Variants in EPB41L1 observed in about 807,000 individuals in gnomAD.
EPB41L1 encodes erythrocyte membrane protein band 4.1 like 1.
A neutral mutation model predicts 97.8 loss-of-function variants in EPB41L1; 29 were observed. The observed-to-expected ratio is 0.30, with a 90% CI of 0.22 to 0.40. EPB41L1 has a LOEUF of 0.40. Among genes scored for constraint, EPB41L1 ranks in the 10% least tolerant of loss-of-function variants. EPB41L1 has a pLI of 1.00. For synonymous variants in EPB41L1, 383 were observed against 459.2 expected (o/e 0.83, Z 2.12); for missense variants, 812 against 1,162.3 (o/e 0.70, Z 4.38).
Position 36,204,956 on chromosome 20 carries a change from G to A in EPB41L1, c.1669-4532G>A. 1.3e-5 allele frequency among the ~76,000 whole-genome samples: 2 copies of A among 152,210 alleles called. 1 individual carries two copies. The highest frequency in any genetic ancestry group is 2.9e-5 in the Non-Finnish European group (2 of 68,026). On this transcript the variant is annotated intron_variant, in intron 14 of 21. Transcript: ENST00000338074. ...GCGCTTGGCCTCTGGTGCCTTTGATGCACGATGATGCTTAGATCTTTACCT... is the reference window on the plus strand; with the variant it reads ...GCGCTTGGCCTCTGGTGCCTTTGATACACGATGATGCTTAGATCTTTACCT...
intron 1 of EPB41L1, among the ~76,000 whole-genome samples, chr20:36,098,942 G>A (rs1025967837): frequency 1.3e-5 from 2 of 152,086 alleles, no homozygotes; most frequent in Admixed American, 6.5e-5. Context: ...GATCTGAGGC[G>A]GATTATTCCT....
intron 1 of EPB41L1, among the ~76,000 whole-genome samples, chr20:36,107,135 T>A (rs1278222442): frequency 1.3e-5 from 2 of 152,196 alleles, no homozygotes; most frequent in East Asian, 3.9e-4. Context: ...TTTAACTAAT[T>A]TAACATTTTA....
intron 6 of EPB41L1, among the ~76,000 whole-genome samples, chr20:36,183,327 G>A (rs758156411): frequency 3.9e-5 from 6 of 152,288 alleles, no homozygotes; most frequent in South Asian, 2.1e-4. Context: ...CCAGGCCATC[G>A]ACCAAAGGTC....
At position 36,221,953 on chromosome 20, in the gene EPB41L1, G is replaced by T. The variant is rs755820753; in HGVS notation, c.2520+9G>T. On this transcript the variant is annotated intron_variant, in intron 20 of 21. Coordinates refer to ENST00000338074, the MANE Select transcript of EPB41L1 (RefSeq NM_012156.2). ...ATGTCGATCAAGACCAGGTATGGGG[G>T]TAGCAACCGTTCTTCCCAGTGCCAC... is the stretch of plus-strand genomic sequence containing the variant. The T allele has an allele frequency of 7.4e-6, 12 of 1,613,856 alleles. No homozygotes were observed. Among genetic ancestry groups the T allele is most frequent in the Non-Finnish European group, 1.0e-5 (12 of 1,179,868 alleles).
rs556915780 is a variant in EPB41L1, at chr20:36,222,801, T to G, written c.2637+407T>G. 2.0e-5 allele frequency among the ~76,000 whole-genome samples: 3 copies of G among 152,346 alleles called. No individual in the cohort carries two copies. In the South Asian group the frequency reaches 6.2e-4, roughly 32 times the overall value. On this transcript the variant is annotated intron_variant, in intron 21 of 21. Transcript: ENST00000338074. ...AGTCCTACTAGGCCCAGTGCCACGT[T>G]CCTGGCCCTGAGTCTCTCTCTCTAT... is the stretch of plus-strand genomic sequence containing the variant.
chr20:36,195,762 C>T lies in EPB41L1; in HGVS notation c.1485+398C>T, dbSNP rs533200052. ...CCCTTCCCTAGATTCATCTCCTGCC[C>T]GACAGCACTGTTTGGTCTCGCCTCC... On this transcript the variant is annotated intron_variant, in intron 13 of 21. Transcript: ENST00000338074. The surrounding 1 kb of genome is among the most constrained non-coding windows in gnomAD (Gnocchi z 4.6). Among the ~76,000 whole-genome samples, 6 of 152,286 alleles carry T rather than the reference C, an allele frequency of 3.9e-5. No homozygotes were observed. Among genetic ancestry groups the T allele is most frequent in the South Asian group, 4.1e-4 (2 of 4,824 alleles).
intron 2 of EPB41L1, among the ~76,000 whole-genome samples, chr20:36,139,690 G>T (rs958651514): frequency 3.3e-5 from 5 of 151,706 alleles, no homozygotes; most frequent in Admixed American, 2.0e-4. Flanking sequence ...TTCCCCATCT[G>T]TGCAGTAAAG....
At chr20:36,161,932 G>A (rs544118170) in intron 1 of EPB41L1, among the ~76,000 whole-genome samples, 9 of 152,008 alleles carry the variant, frequency 5.9e-5, no homozygotes, top group Non-Finnish European at 8.8e-5. Flanking sequence ...GGCTAATTTG[G>A]GGGGGGCACA....
chr20:36,184,732 T>G (rs1401929953), intron 6 of EPB41L1, among the ~76,000 whole-genome samples: 2 of 152,176 alleles, frequency 1.3e-5, no homozygotes, highest in Non-Finnish European at 2.9e-5. Flanking sequence ...AAGAGGAAAT[T>G]TAGAGTCACC....
chr20:36,142,109 CAAA>C (rs578232990), intron 2 of EPB41L1, among the ~76,000 whole-genome samples: 3 of 58,806 alleles, frequency 5.1e-5, no homozygotes, highest in Admixed American at 1.8e-4. Flanking sequence ...AACTCCATCT[CAAA>C]AAAAAAAAAA....
At position 36,175,642 on chromosome 20, in the gene EPB41L1, T is replaced by C. The variant is rs148330736; in HGVS notation, c.269T>C (p.Ile90Thr). 1.9e-6 allele frequency: 3 copies of C among 1,614,132 alleles called. No individual in the cohort carries two copies. In the African/African-American group the frequency reaches 4.0e-5, roughly 22 times the overall value. ...AAGGCCCAGAAATCGCCCCAGAAGA[T>C]TGCCAAGAAATACAAGAGTGCCATC... ...PSKAQKSPQK[I>T]AKKYKSAICR... The change falls in exon 3 of 22, where the codon ATT (isoleucine) becomes ACT (threonine). Residue 90 changes from isoleucine (I) to threonine (T), a missense_variant. This residue lies in a region of EPB41L1 where 230 missense variants were observed against 445.2 expected (regional missense o/e 0.52). Coordinates refer to ENST00000338074, the MANE Select transcript of EPB41L1 (RefSeq NM_012156.2).
intron 1 of EPB41L1, among the ~76,000 whole-genome samples, chr20:36,109,282 G>T (rs2058310380): frequency 6.6e-6 from 1 of 152,142 alleles, no homozygotes; most frequent in African/African-American, 2.4e-5. Flanking sequence ...GAAAAACCTT[G>T]GTCTGGGTCC....
In EPB41L1 at chr20:36,232,696, C is replaced by T. The variant is rs2064544603; in HGVS notation, c.*3356C>T. 1.5e-5 allele frequency: 6 copies of T among 399,034 alleles called. No individual in the cohort carries two copies. Among genetic ancestry groups the T allele is most frequent in the Admixed American group, 4.4e-5 (1 of 22,698 alleles). 24.7% of individuals were successfully genotyped at this position (399,034 alleles called of 1,614,324 possible). On this transcript the variant is annotated 3_prime_UTR_variant, in exon 22 of 22. Coordinates refer to ENST00000338074, the MANE Select transcript of EPB41L1 (RefSeq NM_012156.2). ...TTACTCACACCCTTCTCTCCTTTCT[C>T]GTCCCCATGCTCCCCCACCTCAGTG...
rs1320736180 is a variant in EPB41L1 at position 36,190,044 on chromosome 20, C to T, written c.1027-233C>T. ...TACAAAAAATTAGCTGGTGTGGTGT[C>T]GTCTGACTGTAGTCCTGGCTACTTG... On this transcript the variant is annotated intron_variant, in intron 9 of 21. Coordinates refer to ENST00000338074, the MANE Select transcript of EPB41L1 (RefSeq NM_012156.2). The surrounding 1 kb of genome is among the most constrained non-coding windows in gnomAD (Gnocchi z 5.8). Among the ~76,000 whole-genome samples the T allele has an allele frequency of 1.3e-5, 2 of 152,006 alleles. No individual in the cohort carries two copies. Among genetic ancestry groups the T allele is most frequent in the Non-Finnish European group, 2.9e-5 (2 of 68,002 alleles).
intron 2 of EPB41L1, among the ~76,000 whole-genome samples, chr20:36,133,888 C>T (rs2059318549): frequency 6.6e-6 from 1 of 151,600 alleles, no homozygotes. Context: ...CAATAATATC[C>T]ATCATTACTT....
At chr20:36,193,319 C>T (rs1411811562) in intron 11 of EPB41L1, among the ~76,000 whole-genome samples, 2 of 152,182 alleles carry the variant, frequency 1.3e-5, no homozygotes, top group African/African-American at 4.8e-5. Context: ...AGTCCCATTC[C>T]AGCCATCAAC....
intron 14 of EPB41L1, among the ~76,000 whole-genome samples, chr20:36,200,027 G>C (rs1481428865): frequency 6.6e-6 from 1 of 152,206 alleles, no homozygotes; most frequent in Non-Finnish European, 1.5e-5. Flanking sequence ...CTGCTGGAAA[G>C]AACTATGGTC....
intron 2 of EPB41L1, among the ~76,000 whole-genome samples, chr20:36,137,234 A>G (rs957979591): frequency 4.0e-5 from 6 of 150,272 alleles, no homozygotes; most frequent in Non-Finnish European, 8.9e-5. Context: ...GCACTATCAC[A>G]CCTGGCTAAT....
At chr20:36,178,737 C>A (rs958241583) in intron 5 of EPB41L1, 65 bp downstream of exon 5, 92 of 1,507,628 alleles carry the variant, frequency 6.1e-5, no homozygotes, top group Non-Finnish European at 7.8e-5. Flanking sequence ...GAGAGCCCCC[C>A]TTGTACTGCT....
Sources: gnomAD v4.1 joint callset for allele counts (sites outside exome capture counted in the v4.1 genomes callset) on GRCh38, gnomAD v4.1.1 for gene constraint, gnomAD v4.1.1 regional missense constraint, Gnocchi (gnomAD v3.1) non-coding constraint, MANE v1.5 for transcripts, NCBI Gene and HGNC (gene_info 2026-07-23, HGNC 2026-07-21) for gene names.